The following CEP350 variants were observed in gnomAD, a reference collection of about 807,000 sequenced individuals.
CEP350 encodes centrosomal protein 350, also known as centrosome-associated protein 350.
A neutral mutation model predicts 331.8 loss-of-function variants in CEP350; 126 were observed. The observed-to-expected ratio is 0.38, with a 90% CI of 0.33 to 0.44. The LOEUF (loss-of-function observed/expected upper bound fraction) is 0.44, where lower values mean the gene tolerates loss of function less well. CEP350 is among the 20% of genes least tolerant of loss of function. CEP350 has a pLI of 1.00. For synonymous variants in CEP350, 1,200 were observed against 1,259.5 expected (o/e 0.95, Z 1.00); for missense variants, 3,406 against 3,634.6 (o/e 0.94, Z 1.62).
In CEP350 at chr1:180,014,130, A is replaced by G. The variant is rs200518513; in HGVS notation, c.1677A>G (p.Pro559=). The G allele has an allele frequency of 1.2e-6, 2 of 1,610,370 alleles. No individual in the cohort carries two copies. The highest frequency in any genetic ancestry group is 2.2e-5 in the East Asian group (1 of 44,852). ...VELQNQKSSA[P]VHAPRSHSPV... ...TACAGAACCAGAAGTCATCAGCACC[A>G]GTACATGCTCCTAGGAGTCACAGCC... Residue 559 remains proline, a synonymous_variant, in exon 10 of 38, where the codon CCA becomes CCG. Transcript: ENST00000367607.
chr1:180,006,845 A>C (rs1386711590), intron 8 of CEP350, among the ~76,000 whole-genome samples: 1 of 152,152 alleles, frequency 6.6e-6, no homozygotes, highest in East Asian at 1.9e-4. Flanking sequence ...CTTATGAGTG[A>C]GAACATGCAG....
intron 19 of CEP350, among the ~76,000 whole-genome samples, chr1:180,042,132 T>TCTCTCA (rs1553258521): frequency 1.2e-4 from 17 of 146,870 alleles, no homozygotes; most frequent in South Asian, 2.2e-4. Context: ...GAGTTTTCTC[T>TCTCTCA]CACACACACA....
chr1:180,083,829 G>A (rs184680644), intron 30 of CEP350, among the ~76,000 whole-genome samples, 189 bp from the exon 31 acceptor site: 19 of 152,168 alleles, frequency 1.2e-4, no homozygotes, highest in Admixed American at 5.9e-4. Context: ...TGTATGTGGC[G>A]GGCGGCGGGG....
chr1:180,107,146 A>G (rs552071020), intron 37 of CEP350, among the ~76,000 whole-genome samples: 1 of 152,334 alleles, frequency 6.6e-6, no homozygotes, highest in South Asian at 2.1e-4. Flanking sequence ...TATGCCATAT[A>G]TTTATATAGC....
chr1:180,003,826 ATTT>A (rs1271391710), intron 7 of CEP350, among the ~76,000 whole-genome samples: 1 of 151,962 alleles, frequency 6.6e-6, no homozygotes, highest in African/African-American at 2.4e-5. Flanking sequence ...GGGCTTTTCT[ATTT>A]TTTACAGTTG....
In CEP350 at chr1:180,020,395, C is replaced by G; in HGVS notation, c.2621C>G (p.Thr874Ser). ...QQAPQEDGPW[T>S]KAVTPPVKDD... is the part of the protein sequence containing the mutation. ...GCACCTCAAGAAGATGGACCTTGGA[C>G]CAAGGCTGTAACTCCACCTGTGAAA... is the stretch of plus-strand genomic sequence containing the variant. The change falls in exon 12 of 38, where the codon ACC becomes AGC. Residue 874 changes from threonine (T) to serine (S), a missense_variant. By Grantham distance (58) the Thr-to-Ser change is moderately conservative. Around this residue, in one of 5 missense-constraint regions of CEP350, gnomAD observed 1,857 missense variants for 1,909.2 expected, o/e 0.97. Transcript: ENST00000367607. 6 of 1,613,784 alleles carry G rather than the reference C, an allele frequency of 3.7e-6. No homozygotes were observed. The highest frequency in any genetic ancestry group is 5.1e-6 in the Non-Finnish European group (6 of 1,179,894).
chr1:180,091,250 C>T (rs1469096030), intron 33 of CEP350, among the ~76,000 whole-genome samples: 1 of 151,700 alleles, frequency 6.6e-6, no homozygotes, highest in African/African-American at 2.4e-5. Context: ...AACTCTTGGA[C>T]TCACGCAGTC....
Position 179,997,009 on chromosome 1 carries a change from A to C in CEP350, c.852A>C (p.Lys284Asn). 1 of 1,614,030 alleles carries C rather than the reference A, an allele frequency of 6.2e-7. No individual in the cohort carries two copies. The highest frequency in any genetic ancestry group is 8.5e-7 in the Non-Finnish European group (1 of 1,179,888). Residue 284 changes from lysine to asparagine, a missense_variant, in exon 6 of 38, where the codon AAA becomes AAC. Lys to Asn is a moderately conservative substitution (Grantham distance 94). Transcript: ENST00000367607. ...KRRQHDVKLEKLKERIRKQWE... is the reference protein window; with the variant it reads ...KRRQHDVKLENLKERIRKQWE... ...GACAACATGATGTCAAACTGGAAAA[A>C]CTTAAGGAACGGATTAGAAAACAGT...
At chr1:179,996,470 C>A in intron 5 of CEP350, 83 bp from the exon 6 acceptor site, 1 of 969,650 alleles carries the variant, frequency 1.0e-6, no homozygotes, top group Non-Finnish European at 1.5e-6. Flanking sequence ...GTGGTGAGAA[C>A]ACTTAAAATC....
At chr1:180,045,654 G>A (rs1657071800) in intron 21 of CEP350, among the ~76,000 whole-genome samples, 1 of 152,084 alleles carries the variant, frequency 6.6e-6, no homozygotes, top group African/African-American at 2.4e-5. Flanking sequence ...ACCATCATCT[G>A]GATTACTATG....
At chr1:179,977,671 G>A (rs1355480282) in intron 1 of CEP350, among the ~76,000 whole-genome samples, 1 of 152,132 alleles carries the variant, frequency 6.6e-6, no homozygotes, top group Non-Finnish European at 1.5e-5. Flanking sequence ...GAAGGCTTAG[G>A]ACATTACTGT....
rs968066947 is a variant in CEP350 at position 180,012,204 on chromosome 1, G to GA, written c.1393+136dup. ...ATAATTTTGAATGTAGCTCAAAAAA[G>GA]AAAAAAATGTTCTATTGGGCTTGGT... On this transcript the variant is annotated intron_variant, in intron 9 of 37. Coordinates refer to ENST00000367607, the MANE Select transcript of CEP350 (RefSeq NM_014810.5). 8.8e-6 allele frequency: 7 copies of GA among 792,864 alleles called. No individual in the cohort carries two copies. In the East Asian group the frequency reaches 1.7e-4, roughly 20 times the overall value. The allele number at this position is 792,864 out of a possible 1,614,324, so 49.1% of individuals were successfully genotyped here.
intron 12 of CEP350, 117 bp from the exon 13 acceptor site, chr1:180,022,581 A>G (rs548249427): frequency 7.7e-6 from 6 of 776,538 alleles, no homozygotes; most frequent in South Asian, 3.9e-5. Flanking sequence ...AAGAGGCACT[A>G]TTAAAGGAAA....
At chr1:180,006,810 A>G (rs1456253895) in intron 8 of CEP350, among the ~76,000 whole-genome samples, 5 of 151,890 alleles carry the variant, frequency 3.3e-5, no homozygotes, top group African/African-American at 9.7e-5. Flanking sequence ...TCCTGTGTCC[A>G]TGTGTTCTCA....
At position 179,967,876 on chromosome 1, in the gene CEP350, T is replaced by C. The variant is rs184966013; in HGVS notation, c.-14+12734T>C. Among the ~76,000 whole-genome samples, 7 of 152,378 alleles carry C rather than the reference T, an allele frequency of 4.6e-5. No individual in the cohort carries two copies. In the East Asian group the frequency reaches 1.2e-3, roughly 25 times the overall value. Reference sequence around the variant, plus strand: ...GTAAGATATTTTCTGCTTAGGAATGTCTAACCTTTTCATGTTATATGAAAT... The same window carrying C: ...GTAAGATATTTTCTGCTTAGGAATGCCTAACCTTTTCATGTTATATGAAAT... On this transcript the variant is annotated intron_variant, in intron 1 of 37. Coordinates refer to ENST00000367607, the MANE Select transcript of CEP350 (RefSeq NM_014810.5).
intron 1 of CEP350, among the ~76,000 whole-genome samples, chr1:179,958,746 G>A (rs1012944282): frequency 1.3e-5 from 2 of 152,090 alleles, no homozygotes; most frequent in Non-Finnish European, 2.9e-5. Context: ...ATTAATAAGC[G>A]CCACATAAGT....
intron 6 of CEP350, among the ~76,000 whole-genome samples, chr1:180,002,823 G>A (rs1332286297): frequency 6.6e-6 from 1 of 152,172 alleles, no homozygotes; most frequent in Non-Finnish European, 1.5e-5. Flanking sequence ...ATTATGCAAA[G>A]TGAGATAAAA....
Position 179,969,405 on chromosome 1 carries a change from C to G in CEP350, c.-14+14263C>G, listed in dbSNP as rs1472209988. On this transcript the variant is annotated intron_variant, in intron 1 of 37. Coordinates refer to ENST00000367607, the MANE Select transcript of CEP350 (RefSeq NM_014810.5). ...GAGGGCGTGCGGGTGCCCTCTGTGC[C>G]TATTCAGCAGTTTCCTACTAAAGAC... The G allele has an allele frequency of 9.8e-6, 5 of 512,004 alleles. No homozygotes were observed. In the East Asian group the frequency reaches 2.7e-4, roughly 28 times the overall value. The allele number at this position is 512,004 out of a possible 1,614,324, so 31.7% of individuals were successfully genotyped here.
chr1:180,050,182 G>A (rs1407823609), intron 22 of CEP350, among the ~76,000 whole-genome samples: 1 of 152,170 alleles, frequency 6.6e-6, no homozygotes, highest in African/African-American at 2.4e-5. Context: ...TCTTAGGTAC[G>A]TAACACCTCA....
Sources: gnomAD v4.1 joint callset for allele counts (sites outside exome capture counted in the v4.1 genomes callset) on GRCh38, gnomAD v4.1.1 for gene constraint, gnomAD v4.1.1 regional missense constraint, MANE v1.5 for transcripts, NCBI Gene and HGNC (gene_info 2026-07-23, HGNC 2026-07-21) for gene names.